Variants in GFRA1 observed in about 807,000 individuals in gnomAD.
GFRA1 encodes the protein GDNF family receptor alpha-1.
A neutral mutation model predicts 51.6 loss-of-function variants in GFRA1; 16 were observed. The observed-to-expected ratio is 0.31, with a 90% confidence interval of 0.21 to 0.47. The LOEUF (loss-of-function observed/expected upper bound fraction) is 0.47, where lower values mean the gene tolerates loss of function less well. Ranked by LOEUF, GFRA1 falls within the 20% of genes least tolerant of loss-of-function variation. The probability of loss-of-function intolerance (pLI) is 1.00; values close to 1 mark genes in which losing one functional copy is unlikely to be tolerated. For synonymous variants in GFRA1, 270 were observed against 241.3 expected (o/e 1.12, Z -1.10); for missense variants, 530 against 594.3 (o/e 0.89, Z 1.13).
At chr10:116,215,355 T>C (rs1403889371) in intron 4 of GFRA1, among the ~76,000 whole-genome samples, 1 of 152,192 alleles carries the variant, frequency 6.6e-6, no homozygotes, top group Non-Finnish European at 1.5e-5. Context: ...TACCATTCGC[T>C]ACCCTGGTGT....
At chr10:116,225,624 C>T (rs1966240113) in intron 4 of GFRA1, among the ~76,000 whole-genome samples, 2 of 144,654 alleles carry the variant, frequency 1.4e-5, no homozygotes, top group Admixed American at 7.0e-5. Context: ...GAGTCTTGCT[C>T]TATTGTCCAG....
At chr10:116,148,385 C>A (rs1342629553) in intron 5 of GFRA1, among the ~76,000 whole-genome samples, 4 of 152,114 alleles carry the variant, frequency 2.6e-5, no homozygotes, top group African/African-American at 9.7e-5. Context: ...AGACTCTCAA[C>A]AGGACTCCCA....
At chr10:116,176,190 C>A (rs7897207) in intron 5 of GFRA1, among the ~76,000 whole-genome samples, 1 of 152,086 alleles carries the variant, frequency 6.6e-6, no homozygotes, top group Non-Finnish European at 1.5e-5. Context: ...GAGCCTACTA[C>A]GTGTCGGCGC....
At chr10:116,180,635 C>T (rs760855372) in intron 5 of GFRA1, among the ~76,000 whole-genome samples, 7 of 152,122 alleles carry the variant, frequency 4.6e-5, no homozygotes, top group Non-Finnish European at 8.8e-5. Flanking sequence ...GATTCTATAC[C>T]CACCCACGGC....
intron 5 of GFRA1, among the ~76,000 whole-genome samples, chr10:116,170,124 T>C (rs1044962819): frequency 1.3e-5 from 2 of 152,152 alleles, no homozygotes; most frequent in African/African-American, 4.8e-5. Flanking sequence ...AACTCTCCTG[T>C]CTCAATTGCT....
At chr10:116,267,838 G>A (rs976605138) in intron 4 of GFRA1, among the ~76,000 whole-genome samples, 1 of 152,126 alleles carries the variant, frequency 6.6e-6, no homozygotes, top group Non-Finnish European at 1.5e-5. Flanking sequence ...CACTAGAAGT[G>A]ACATGGAGTG....
chr10:116,068,756 A>C (rs1046841248), intron 9 of GFRA1, among the ~76,000 whole-genome samples: 1 of 152,240 alleles, frequency 6.6e-6, no homozygotes, highest in Non-Finnish European at 1.5e-5. Context: ...AGCATTTCTG[A>C]AAACATCATC....
At chr10:116,126,975 C>T (rs895555282) in intron 5 of GFRA1, among the ~76,000 whole-genome samples, 7 of 152,040 alleles carry the variant, frequency 4.6e-5, no homozygotes, top group East Asian at 1.9e-4. Context: ...CATTATGCTA[C>T]GTGAAATAAA....
chr10:116,245,322 T>C (rs1182870026), intron 4 of GFRA1, among the ~76,000 whole-genome samples: 1 of 152,174 alleles, frequency 6.6e-6, no homozygotes, highest in Non-Finnish European at 1.5e-5. Flanking sequence ...TATGAAAAGA[T>C]GTTTCACACC....
intron 4 of GFRA1, chr10:116,255,524 G>A (rs1297069946): frequency 1.3e-5 from 13 of 989,088 alleles, no homozygotes; most frequent in Admixed American, 8.2e-5. Context: ...AAAAACACTA[G>A]GTTTCCACCA....
intron 5 of GFRA1, among the ~76,000 whole-genome samples, chr10:116,135,446 C>T (rs1039468236): frequency 1.3e-5 from 2 of 152,102 alleles, no homozygotes; most frequent in Non-Finnish European, 1.5e-5. Context: ...TTACTGAAAA[C>T]CGAATCAAGT....
chr10:116,078,336 G>A (rs933433650), intron 9 of GFRA1, among the ~76,000 whole-genome samples: 6 of 152,166 alleles, frequency 3.9e-5, no homozygotes, highest in African/African-American at 7.2e-5. Flanking sequence ...CAAGGCTGAC[G>A]TGGGTGGATT....
At chr10:116,240,885 A>G (rs912081211) in intron 4 of GFRA1, among the ~76,000 whole-genome samples, 6 of 152,198 alleles carry the variant, frequency 3.9e-5, no homozygotes, top group African/African-American at 1.4e-4. Context: ...TTAATCTTCA[A>G]AACAATCCTA....
In GFRA1 at chr10:116,206,244, C is replaced by T. The variant is rs74632725; in HGVS notation, c.433+5387G>A. The stretch of plus-strand genomic sequence containing the variant: ...TCAAATCCCACACTCATAAAGAAAA[C>T]AATCTTTCATAATGTAAGACATTAT... On this transcript the variant is annotated intron_variant, in intron 5 of 10. Coordinates refer to ENST00000355422, the MANE Select transcript of GFRA1 (RefSeq NM_005264.8). Among the ~76,000 whole-genome samples, 450 of 152,196 alleles carry T rather than the reference C, an allele frequency of 3.0e-3. 9 individuals carry two copies. Among genetic ancestry groups the T allele is most frequent in the Admixed American group, 0.024 (361 of 15,290 alleles).
At chr10:116,065,515 G>A (rs1955062340) in intron 10 of GFRA1, 58 bp downstream of exon 10, 5 of 1,390,804 alleles carry the variant, frequency 3.6e-6, no homozygotes, top group Admixed American at 3.4e-5. Flanking sequence ...CCTGCCCCCA[G>A]GGGCCCAAAG....
At chr10:116,193,112 T>C (rs1963418314) in intron 5 of GFRA1, among the ~76,000 whole-genome samples, 1 of 152,134 alleles carries the variant, frequency 6.6e-6, no homozygotes, top group Admixed American at 6.5e-5. Context: ...TAAAGTGGCC[T>C]GGAAAAATGG....
intron 9 of GFRA1, among the ~76,000 whole-genome samples, chr10:116,082,281 G>T (rs562754102): frequency 6.6e-6 from 1 of 152,008 alleles, no homozygotes; most frequent in Non-Finnish European, 1.5e-5. Flanking sequence ...GGAGATGTGC[G>T]GAGAGATGGA....
chr10:116,194,348 C>A (rs1050924736), intron 5 of GFRA1, among the ~76,000 whole-genome samples: 5 of 152,190 alleles, frequency 3.3e-5, no homozygotes, highest in Non-Finnish European at 5.9e-5. Flanking sequence ...GTGAATCATT[C>A]CTGACCCCCA....
intron 5 of GFRA1, among the ~76,000 whole-genome samples, chr10:116,206,479 G>A (rs988798181): frequency 5.3e-5 from 8 of 152,112 alleles, no homozygotes; most frequent in East Asian, 1.9e-4. Context: ...TCGGCTGCCA[G>A]AAACCAAACT....
Sources: gnomAD v4.1 joint callset for allele counts (sites outside exome capture counted in the v4.1 genomes callset) on GRCh38, gnomAD v4.1.1 for gene constraint, MANE v1.5 for transcripts, NCBI Gene and HGNC (gene_info 2026-07-23, HGNC 2026-07-21) for gene names.